The following WDR27 variants were observed in gnomAD, a reference collection of about 807,000 sequenced individuals.
WDR27 encodes the protein WD repeat domain 27, also known as WD repeat-containing protein 27.
A neutral mutation model predicts 114.4 loss-of-function variants in WDR27; 100 were observed. The observed-to-expected ratio is 0.87, with a 90% CI of 0.74 to 1.03. The LOEUF is 1.03. WDR27 is among the 50% of genes least tolerant of loss of function. The pLI, the probability that WDR27 is intolerant of heterozygous loss-of-function variation, is 0.00. For synonymous variants in WDR27, 449 were observed against 423.1 expected (o/e 1.06, Z -0.75); for missense variants, 1,129 against 1,092.9 (o/e 1.03, Z -0.47).
intron 23 of WDR27, among the ~76,000 whole-genome samples, chr6:169,599,236 C>T (rs1337585659): frequency 6.6e-6 from 1 of 151,304 alleles, no homozygotes. Flanking sequence ...GCACAGAGGA[C>T]AATACCATCA....
At chr6:169,673,009 A>G (rs1352575366) in intron 2 of WDR27, among the ~76,000 whole-genome samples, 1 of 152,176 alleles carries the variant, frequency 6.6e-6, no homozygotes, top group African/African-American at 2.4e-5. Flanking sequence ...TGGGCTGGAG[A>G]GACAGAAGGG....
At chr6:169,658,686 CTTT>C (rs756818206) in intron 12 of WDR27, among the ~76,000 whole-genome samples, 8 of 140,540 alleles carry the variant, frequency 5.7e-5, no homozygotes, top group East Asian at 2.1e-4. Flanking sequence ...TCCGAGTTTT[CTTT>C]TTTTTTTTTT....
intron 21 of WDR27, among the ~76,000 whole-genome samples, chr6:169,621,288 GCACGCACGCATATACATACC>G (rs1813086635): frequency 7.0e-6 from 1 of 143,226 alleles, no homozygotes; most frequent in African/African-American, 2.6e-5. Flanking sequence ...ACACACACAT[GCACGCACGCATATACATACC>G]CACACACGCA....
intron 25 of WDR27, among the ~76,000 whole-genome samples, chr6:169,496,429 G>C (rs1156272648): frequency 3.3e-5 from 5 of 151,990 alleles, no homozygotes; most frequent in African/African-American, 9.7e-5. Flanking sequence ...ATTCAACACA[G>C]TCTAAAAGTT....
chr6:169,630,288 C>T (rs1305953074), intron 21 of WDR27, among the ~76,000 whole-genome samples: 2 of 152,100 alleles, frequency 1.3e-5, no homozygotes, highest in South Asian at 4.1e-4. Context: ...ATTTTTTTCT[C>T]TAGATTTACA....
intron 25 of WDR27, among the ~76,000 whole-genome samples, chr6:169,494,744 T>A (rs879282441): frequency 1.3e-5 from 2 of 152,190 alleles, no homozygotes; most frequent in Non-Finnish European, 2.9e-5. Context: ...AAGCTCAGCA[T>A]CAGATTGGAA....
intron 25 of WDR27, among the ~76,000 whole-genome samples, chr6:169,519,814 A>C (rs1010708434): frequency 6.6e-6 from 1 of 152,156 alleles, no homozygotes; most frequent in African/African-American, 2.4e-5. Context: ...GGCCACAGAG[A>C]AGTGAAAAAA....
intron 25 of WDR27, among the ~76,000 whole-genome samples, chr6:169,551,075 AAGGAAAAATAAATG>A (rs1798032993): frequency 6.6e-6 from 1 of 152,208 alleles, no homozygotes; most frequent in African/African-American, 2.4e-5. Context: ...AAACTCTTCT[AAGGAAAAATAAATG>A]AGGAAAAATA....
intron 25 of WDR27, among the ~76,000 whole-genome samples, chr6:169,565,130 G>A (rs1324553708): frequency 2.0e-5 from 3 of 152,214 alleles, no homozygotes; most frequent in Admixed American, 6.5e-5. Context: ...GGCGGGAGAT[G>A]TGTTCTGACC....
intron 21 of WDR27, among the ~76,000 whole-genome samples, chr6:169,614,821 G>A (rs151321908): frequency 2.6e-4 from 39 of 152,302 alleles, no homozygotes; most frequent in Middle Eastern, 3.4e-3. Context: ...GAATGCTGGT[G>A]TTACATGAGG....
At position 169,643,702 on chromosome 6, in the gene WDR27, A is replaced by C. The variant is rs771653578; in HGVS notation, c.1742T>G (p.Phe581Cys). 6.2e-7 allele frequency: 1 copy of C among 1,613,480 alleles called. No homozygotes were observed. Among genetic ancestry groups the C allele is most frequent in the South Asian group, 1.1e-5 (1 of 90,962 alleles). Residue 581 changes from phenylalanine to cysteine, a missense_variant, in exon 17 of 26, where the codon TTT becomes TGT. Transcript: ENST00000448612. Reference sequence around the variant, plus strand: ...GAAATTAAGACATGTTTTACCTGAAAACACAGCAGGTGTCCCAGTCAGGCT... The same window carrying C: ...GAAATTAAGACATGTTTTACCTGAACACACAGCAGGTGTCCCAGTCAGGCT... ...DASLTGTPAV[F>C]SGHDGAVNAV...
At chr6:169,666,622 G>C in intron 6 of WDR27, 1 of 985,628 alleles carries the variant, frequency 1.0e-6, no homozygotes, top group Non-Finnish European at 1.2e-6. Flanking sequence ...CACCATCAAT[G>C]CTGTAGCTGT....
At chr6:169,503,324 A>G (rs1424314499) in intron 25 of WDR27, among the ~76,000 whole-genome samples, 2 of 152,236 alleles carry the variant, frequency 1.3e-5, no homozygotes, top group Non-Finnish European at 2.9e-5. Context: ...ATACAACATA[A>G]GAGAATGTTG....
intron 15 of WDR27, among the ~76,000 whole-genome samples, chr6:169,648,214 G>A (rs7762363): frequency 0.057 from 8,748 of 152,264 alleles, 288 homozygotes; most frequent in Middle Eastern, 0.11. Flanking sequence ...CCAGTCTCAT[G>A]CCGCTGTGGG....
intron 25 of WDR27, among the ~76,000 whole-genome samples, chr6:169,501,696 T>G (rs1169747519): frequency 9.8e-6 from 1 of 102,092 alleles, no homozygotes; most frequent in Admixed American, 9.2e-5. Flanking sequence ...GGTTGACTCC[T>G]TATCTTCCCG....
chr6:169,693,541 C>A (rs1785041031), intron 1 of WDR27, among the ~76,000 whole-genome samples: 1 of 152,076 alleles, frequency 6.6e-6, no homozygotes, highest in Non-Finnish European at 1.5e-5. Context: ...TACAAAATGG[C>A]AGAATGGATA....
intron 25 of WDR27, among the ~76,000 whole-genome samples, chr6:169,514,883 AAAT>A (rs1216054094): frequency 1.3e-5 from 2 of 151,466 alleles, no homozygotes; most frequent in African/African-American, 2.4e-5. Context: ...GTAATTACAA[AAAT>A]AATAATTACT....
At chr6:169,623,971 C>A (rs1422976179) in intron 21 of WDR27, among the ~76,000 whole-genome samples, 1 of 152,194 alleles carries the variant, frequency 6.6e-6, no homozygotes. Flanking sequence ...TAACAGGCAG[C>A]CACCCACGAG....
Position 169,668,035 on chromosome 6 carries a change from A to G in WDR27, c.607T>C (p.Cys203Arg), listed in dbSNP as rs764015406. The G allele has an allele frequency of 6.2e-7, 1 of 1,613,930 alleles. No homozygotes were observed. Among genetic ancestry groups the G allele is most frequent in the Non-Finnish European group, 8.5e-7 (1 of 1,179,908 alleles). Residue 203 changes from cysteine to arginine, a missense_variant, in exon 5 of 26, where the codon TGT becomes CGT. By Grantham distance (180) the Cys-to-Arg change is radical (BLOSUM62 -3). Transcript: ENST00000448612. ...ATGAGGGTGCCTGCTCGCCAGGGAC[A>G]GAACTCCACCGCAGTCACCGGGCCC... ...HLGPVTAVEF[C>R]PWRAGTLISA...
Sources: allele counts gnomAD v4.1 joint callset (sites outside exome capture counted in the v4.1 genomes callset), GRCh38; gene constraint gnomAD v4.1.1; transcripts MANE v1.5; gene names NCBI Gene and HGNC (gene_info 2026-07-23, HGNC 2026-07-21).